PNKD: variants seen among roughly 807,000 people sequenced by gnomAD.
PNKD encodes the protein probable thioesterase PNKD.
PNKD carries 36 observed loss-of-function variants against 45.3 expected under a neutral mutation model. The observed-to-expected ratio is 0.80, with a 90% CI of 0.61 to 1.05. The LOEUF (loss-of-function observed/expected upper bound fraction) is 1.05. PNKD is among the 50% of genes least tolerant of loss of function. The probability of loss-of-function intolerance (pLI) is 0.00; values close to 1 mark genes in which losing one functional copy is unlikely to be tolerated. For synonymous variants in PNKD, 197 were observed against 210.1 expected, an observed-to-expected ratio of 0.94 and a Z score of 0.54; for missense variants, 511 against 506.6, an observed-to-expected ratio of 1.01 and a Z score of -0.08.
chr2:218,323,769 C>A (rs556977789), intron 2 of PNKD, among the ~76,000 whole-genome samples: 1 of 151,322 alleles, frequency 6.6e-6, no homozygotes, highest in East Asian at 2.0e-4. Context: ...GGAGCCAGGG[C>A]TGGGAAGACC....
chr2:218,304,239 C>T lies in PNKD; in HGVS notation c.236+32690C>T, dbSNP rs1246559979. 7.2e-5 allele frequency among the ~76,000 whole-genome samples: 11 copies of T among 152,072 alleles called. No individual in the cohort carries two copies. In the East Asian group the frequency reaches 2.1e-3, roughly 30 times the overall value. On this transcript the variant is annotated intron_variant, in intron 2 of 9. Coordinates refer to ENST00000273077, the MANE Select transcript of PNKD (RefSeq NM_015488.5). Reference sequence around the variant, plus strand: ...CGTGGTCTCAGCTCACTGCAACCTCCCAGTTCAAGCGATTCTCCTGCCTCA... The same window carrying T: ...CGTGGTCTCAGCTCACTGCAACCTCTCAGTTCAAGCGATTCTCCTGCCTCA...
At chr2:218,327,140 C>T in intron 2 of PNKD, 1 of 152,436 alleles carries the variant, frequency 6.6e-6, no homozygotes, top group Non-Finnish European at 1.5e-5. Context: ...AGGTGGGTAG[C>T]AGCTGGCCTG....
rs140017323 is a variant in PNKD at position 218,275,748 on chromosome 2, T to C, written c.236+4199T>C. On this transcript the variant is annotated intron_variant, in intron 2 of 9. Transcript: ENST00000273077. Reference sequence around the variant, plus strand: ...CTTAGGGCCACATTAACGCACAGCATAACATATGGGCTCTATACTGTAGCT... The same window carrying C: ...CTTAGGGCCACATTAACGCACAGCACAACATATGGGCTCTATACTGTAGCT... 364 of 1,178,210 alleles carry C rather than the reference T, an allele frequency of 3.1e-4. 1 individual carries two copies. In the East Asian group the frequency reaches 5.6e-3, roughly 18 times the overall value. 73.0% of individuals were successfully genotyped at this position (1,178,210 alleles called of 1,614,324 possible).
At chr2:218,320,256 A>G (rs1693950405) in intron 2 of PNKD, among the ~76,000 whole-genome samples, 1 of 152,242 alleles carries the variant, frequency 6.6e-6, no homozygotes, top group Non-Finnish European at 1.5e-5. Context: ...ATTGACACAC[A>G]ATAATTGTAC....
At chr2:218,291,239 C>T (rs569376408) in intron 2 of PNKD, among the ~76,000 whole-genome samples, 2 of 152,302 alleles carry the variant, frequency 1.3e-5, no homozygotes, top group East Asian at 3.9e-4. Flanking sequence ...GACAGGGCCC[C>T]TGACACTGTG....
intron 2 of PNKD, among the ~76,000 whole-genome samples, chr2:218,301,923 GC>G (rs1258393758): frequency 6.6e-6 from 1 of 152,218 alleles, no homozygotes; most frequent in Admixed American, 6.5e-5. Flanking sequence ...ATAAAATACA[GC>G]CCCCGCTTTC....
intron 2 of PNKD, among the ~76,000 whole-genome samples, chr2:218,337,913 C>A (rs1024897732): frequency 6.6e-6 from 1 of 151,994 alleles, no homozygotes; most frequent in African/African-American, 2.4e-5. Context: ...CTTTGGGAGG[C>A]CAAGGTGGGC....
Position 218,340,761 on chromosome 2 carries a change from G to A in PNKD, c.499G>A (p.Ala167Thr), listed in dbSNP as rs1219443955. Residue 167 changes from alanine (A) to threonine (T), a missense_variant, in exon 5 of 10, where the codon GCC (alanine) becomes ACC (threonine). Coordinates refer to ENST00000273077, the MANE Select transcript of PNKD (RefSeq NM_015488.5). This position sits in a 1 kb window ranked among gnomAD's most constrained non-coding sequence, Gnocchi z 4.2. ...TGAAAAGGAAGGGGTCACCTTGGTC[G>A]CCATTCTGTGTACTCACAAGCACTG... ...SIEKEGVTLV[A>T]ILCTHKHWDH... The A allele has an allele frequency of 1.1e-5, 18 of 1,613,926 alleles. No individual in the cohort carries two copies. The highest frequency in any genetic ancestry group is 3.3e-5 in the Admixed American group (2 of 60,028).
chr2:218,295,881 G>T (rs1177875856), intron 2 of PNKD, among the ~76,000 whole-genome samples: 1 of 144,280 alleles, frequency 6.9e-6, no homozygotes, highest in African/African-American at 2.6e-5. Context: ...GTCTGGCTCT[G>T]CACTCCCAGG....
chr2:218,342,753 C>T (rs1186683820), intron 7 of PNKD, among the ~76,000 whole-genome samples: 1 of 152,024 alleles, frequency 6.6e-6, no homozygotes, highest in Admixed American at 6.5e-5. Context: ...GGAGCAGTGA[C>T]TCAGGCCTGT....
intron 2 of PNKD, among the ~76,000 whole-genome samples, chr2:218,290,762 T>G (rs1481588421): frequency 6.6e-6 from 1 of 152,212 alleles, no homozygotes; most frequent in Non-Finnish European, 1.5e-5. Context: ...TGGATATCAT[T>G]TCTACTTCAA....
intron 2 of PNKD, among the ~76,000 whole-genome samples, chr2:218,337,945 G>A (rs936823214): frequency 4.0e-5 from 6 of 151,280 alleles, no homozygotes; most frequent in East Asian, 3.9e-4. Context: ...TCAAGAGATC[G>A]AGACCATCCT....
intron 2 of PNKD, among the ~76,000 whole-genome samples, chr2:218,319,060 C>G (rs1693904213): frequency 7.0e-6 from 1 of 142,314 alleles, no homozygotes; most frequent in South Asian, 2.3e-4. Flanking sequence ...GTTCAAGTGA[C>G]TCTCCTGCCT....
intron 2 of PNKD, among the ~76,000 whole-genome samples, chr2:218,294,265 C>T (rs561546799): frequency 3.3e-5 from 5 of 152,262 alleles, no homozygotes; most frequent in Non-Finnish European, 4.4e-5. Context: ...TTTTTTCATG[C>T]TCTCTACACT....
Position 218,340,579 on chromosome 2 carries a change from A to G in PNKD, c.466-149A>G. 1.4e-6 allele frequency: 1 copy of G among 716,662 alleles called. No individual in the cohort carries two copies. Among genetic ancestry groups the G allele is most frequent in the Admixed American group, 2.0e-5 (1 of 50,486 alleles). 44.4% of individuals were successfully genotyped at this position (716,662 alleles called of 1,614,324 possible). On this transcript the variant is annotated intron_variant, in intron 4 of 9. Coordinates refer to ENST00000273077, the MANE Select transcript of PNKD (RefSeq NM_015488.5). This position sits in a 1 kb window ranked among gnomAD's most constrained non-coding sequence, Gnocchi z 4.2. The stretch of plus-strand genomic sequence containing the variant: ...TGTGCCCCGTGCTTCACATTCCTGG[A>G]TCTCTCCCCTCCAGCTCCATCCCTT...
intron 2 of PNKD, among the ~76,000 whole-genome samples, chr2:218,276,845 A>G (rs1574627057): frequency 1.3e-5 from 2 of 152,126 alleles, no homozygotes; most frequent in Non-Finnish European, 2.9e-5. Flanking sequence ...CCTCACCCAG[A>G]AGGATGCTGC....
At chr2:218,336,436 A>G (rs1694494908) in intron 2 of PNKD, among the ~76,000 whole-genome samples, 1 of 152,168 alleles carries the variant, frequency 6.6e-6, no homozygotes. Flanking sequence ...ACTCCTGTAG[A>G]ATCACAGAAA....
intron 2 of PNKD, chr2:218,286,434 T>C (rs890722550): frequency 1.3e-5 from 2 of 152,144 alleles, no homozygotes; most frequent in Non-Finnish European, 2.9e-5. Context: ...ATGCCTGTTA[T>C]CAAGGCATTC....
chr2:218,315,057 T>TTCTTTCTTC (rs1553667776), intron 2 of PNKD, among the ~76,000 whole-genome samples: 1 of 55,544 alleles, frequency 1.8e-5, no homozygotes, highest in African/African-American at 6.0e-5. Context: ...TTTCTTTCTT[T>TTCTTTCTTC]CTTCCTTCCT....
Sources: allele counts gnomAD v4.1 joint callset (sites outside exome capture counted in the v4.1 genomes callset), GRCh38; gene constraint gnomAD v4.1.1; non-coding constraint Gnocchi (gnomAD v3.1); transcripts MANE v1.5; gene names NCBI Gene and HGNC (gene_info 2026-07-23, HGNC 2026-07-21).